FAM20A: variants seen among roughly 807,000 people sequenced by gnomAD.
The protein encoded by FAM20A is FAM20A golgi associated secretory pathway pseudokinase.
FAM20A carries 42 observed loss-of-function variants against 52.0 expected under a neutral mutation model. That is an observed-to-expected ratio of 0.81 (90% confidence interval 0.63 to 1.04). FAM20A has a LOEUF of 1.04. Ranked by LOEUF, FAM20A falls within the 50% of genes least tolerant of loss-of-function variation. FAM20A has a pLI of 0.00. For missense variants in FAM20A, 742 were observed against 712.7 expected, an observed-to-expected ratio of 1.04 and a Z score of -0.47; for synonymous variants, 304 against 298.9, an observed-to-expected ratio of 1.02 and a Z score of -0.18.
chr17:68,540,707 C>T (rs2086247447), intron 8 of FAM20A, 142 bp downstream of exon 8: 1 of 1,059,250 alleles, frequency 9.4e-7, no homozygotes. Flanking sequence ...CCTCTGGGAC[C>T]TCCGCCACTT....
intron 3 of FAM20A, among the ~76,000 whole-genome samples, chr17:68,553,939 TATATACAC>T (rs2086959856): frequency 7.4e-6 from 1 of 135,280 alleles, no homozygotes; most frequent in African/African-American, 3.5e-5. Context: ...CATATATACA[TATATACAC>T]ACATATATGC....
chr17:68,577,860 C>T (rs986830294), intron 1 of FAM20A, among the ~76,000 whole-genome samples: 5 of 152,106 alleles, frequency 3.3e-5, no homozygotes, highest in African/African-American at 1.2e-4. Context: ...AGACTTCTAC[C>T]AACCTAACAA....
At chr17:68,568,343 CTG>C (rs1202416042) in intron 1 of FAM20A, among the ~76,000 whole-genome samples, 2 of 151,702 alleles carry the variant, frequency 1.3e-5, no homozygotes, top group Non-Finnish European at 2.9e-5. Context: ...TGGTGGGCGC[CTG>C]TAGTCCCAGC....
chr17:68,541,311 CAT>C (rs1420576975), intron 7 of FAM20A: 1 of 329,922 alleles, frequency 3.0e-6, no homozygotes, highest in South Asian at 2.9e-5. Context: ...CTGCGCCACT[CAT>C]AGCACCTCCA....
chr17:68,542,581 C>T, intron 6 of FAM20A, 113 bp downstream of exon 6: 2 of 829,142 alleles, frequency 2.4e-6, no homozygotes, highest in Non-Finnish European at 4.2e-6. Context: ...TACGCCCATC[C>T]CAGTAATGGA....
chr17:68,541,936 C>G (rs2086315574), intron 7 of FAM20A, 49 bp downstream of exon 7: 1 of 1,580,922 alleles, frequency 6.3e-7, no homozygotes, highest in Non-Finnish European at 8.6e-7. Context: ...GGTACAGGGT[C>G]TGTGGCTACT....
At chr17:68,539,034 C>G (rs1192945256) in intron 10 of FAM20A, among the ~76,000 whole-genome samples, 1 of 152,152 alleles carries the variant, frequency 6.6e-6, no homozygotes, top group Non-Finnish European at 1.5e-5. Context: ...TTGTAGGCTA[C>G]AAAACCTTTA....
intron 4 of FAM20A, among the ~76,000 whole-genome samples, chr17:68,548,865 T>C (rs1418309429): frequency 4.0e-5 from 6 of 150,818 alleles, no homozygotes; most frequent in Admixed American, 2.0e-4. Context: ...CCCGAGCAGC[T>C]GGGACTACCG....
At chr17:68,571,964 ATATATGTGTGTG>A (rs1287912635) in intron 1 of FAM20A, among the ~76,000 whole-genome samples, 3 of 135,706 alleles carry the variant, frequency 2.2e-5, no homozygotes, top group Non-Finnish European at 3.1e-5. Context: ...GTGTGTGTAT[ATATATGTGTGTG>A]TATATACATA....
In FAM20A at chr17:68,542,045, G is replaced by C; in HGVS notation, c.1049C>G (p.Ala350Gly). The change falls in exon 7 of 11, where the codon GCC (alanine) becomes GGC (glycine). Residue 350 changes from alanine (A) to glycine (G), a missense_variant. By Grantham distance (60) the Ala-to-Gly change is moderately conservative. Transcript: ENST00000592554. ...GGGGTTGGGCACAGACAGCCTGGGG[G>C]CCAGGTTGAGGGACGGCAGGAAGGC... ...LSAFLPSLNL[A>G]PRLSVPNPWI... 6.2e-7 allele frequency: 1 copy of C among 1,614,144 alleles called. No homozygotes were observed. The highest frequency in any genetic ancestry group is 8.5e-7 in the Non-Finnish European group (1 of 1,180,012).
chr17:68,555,087 C>G (rs2087015674), intron 2 of FAM20A, among the ~76,000 whole-genome samples: 1 of 152,208 alleles, frequency 6.6e-6, no homozygotes, highest in African/African-American at 2.4e-5. Context: ...CTGCTTTTGT[C>G]TCTGCTAATA....
Position 68,554,761 on chromosome 17 carries a change from G to T in FAM20A, c.640+16C>A, listed in dbSNP as rs2087006500. 6.2e-7 allele frequency: 1 copy of T among 1,612,282 alleles called. No homozygotes were observed. The highest frequency in any genetic ancestry group is 2.2e-5 in the East Asian group (1 of 44,860). Reference sequence around the variant, plus strand: ...AGGGTGAAGAGGCTGGGTGGGGGTGGGGCTAGGTCACTTACTCTGGGTGCA... The same window carrying T: ...AGGGTGAAGAGGCTGGGTGGGGGTGTGGCTAGGTCACTTACTCTGGGTGCA... On this transcript the variant is annotated intron_variant, in intron 3 of 10. Transcript: ENST00000592554.
At chr17:68,547,545 T>C (rs889762825) in intron 4 of FAM20A, among the ~76,000 whole-genome samples, 6 of 152,240 alleles carry the variant, frequency 3.9e-5, no homozygotes, top group African/African-American at 9.6e-5. Context: ...CACTTACTGC[T>C]TCACCTTGTA....
At chr17:68,542,224 TC>T (rs1179421310) in intron 6 of FAM20A, 59 bp from the exon 7 acceptor site, 1 of 1,585,530 alleles carries the variant, frequency 6.3e-7, no homozygotes, top group Non-Finnish European at 8.6e-7. Flanking sequence ...CATGACATCT[TC>T]CTGGCCTAGG....
intron 1 of FAM20A, among the ~76,000 whole-genome samples, chr17:68,563,527 C>T (rs2087284198): frequency 6.6e-6 from 1 of 151,980 alleles, no homozygotes; most frequent in Admixed American, 6.5e-5. Context: ...CCCATGATGT[C>T]CATGCAAGAC....
chr17:68,537,297 G>T lies in FAM20A; in HGVS notation c.*180C>A. 1.2e-6 allele frequency: 1 copy of T among 817,226 alleles called. No homozygotes were observed. Among genetic ancestry groups the T allele is most frequent in the Non-Finnish European group, 2.0e-6 (1 of 492,450 alleles). 50.6% of individuals were successfully genotyped at this position (817,226 alleles called of 1,614,324 possible). A position where few individuals can be genotyped will look rare whatever the true frequency, so the allele number is the denominator to read the frequency against. On this transcript the variant is annotated 3_prime_UTR_variant, in exon 11 of 11. Transcript: ENST00000592554. The surrounding 1 kb of genome is among the most constrained non-coding windows in gnomAD (Gnocchi z 4.2). The stretch of plus-strand genomic sequence containing the variant: ...CAAGGCAACGCACGACAGAAGCGGT[G>T]CACCAAGGAGTAAAGATTCAGTTCC...
chr17:68,600,712 G>T lies in FAM20A; in HGVS notation c.-46C>A. ...CGCCGGGGGCAGGCCGGCTGTCTCC[G>T]GGGTCCCGGGAGGGGTCGCGGGGTG... On this transcript the variant is annotated 5_prime_UTR_variant, in exon 1 of 11. Transcript: ENST00000592554. The surrounding 1 kb of genome is among the most constrained non-coding windows in gnomAD (Gnocchi z 6.2). The T allele has an allele frequency of 6.6e-7, 1 of 1,522,456 alleles. No individual in the cohort carries two copies. The highest frequency in any genetic ancestry group is 1.4e-5 in the African/African-American group (1 of 71,976). The allele number at this position is 1,522,456 out of a possible 1,614,324, so 94.3% of individuals were successfully genotyped here. A position where few individuals can be genotyped will look rare whatever the true frequency, so the allele number is the denominator to read the frequency against.
At chr17:68,585,856 C>G (rs1249236919) in intron 1 of FAM20A, among the ~76,000 whole-genome samples, 1 of 152,148 alleles carries the variant, frequency 6.6e-6, no homozygotes, top group Admixed American at 6.5e-5. Flanking sequence ...GGGTAATTCC[C>G]CTATGGATGT....
At chr17:68,594,385 C>G (rs1225467613) in intron 1 of FAM20A, among the ~76,000 whole-genome samples, 8 of 147,820 alleles carry the variant, frequency 5.4e-5, no homozygotes, top group African/African-American at 1.8e-4. Context: ...GGCGACAGAG[C>G]GAGACTCCGT....
Sources: gnomAD v4.1 joint callset for allele counts (sites outside exome capture counted in the v4.1 genomes callset) on GRCh38, gnomAD v4.1.1 for gene constraint, Gnocchi (gnomAD v3.1) non-coding constraint, MANE v1.5 for transcripts, NCBI Gene and HGNC (gene_info 2026-07-23, HGNC 2026-07-21) for gene names.